Variants in KIR2DL4 observed in about 807,000 individuals in gnomAD.
The protein encoded by KIR2DL4 is killer cell immunoglobulin-like receptor 2DL4.
Under a neutral mutation model 31.0 loss-of-function variants are expected in KIR2DL4, and 41 were observed. That is an observed-to-expected ratio of 1.32 (90% CI 1.03 to 1.72). KIR2DL4 has a LOEUF of 1.72. Among genes scored for constraint, KIR2DL4 ranks in the 40% most tolerant of loss-of-function variants. The pLI is 0.00. For missense variants in KIR2DL4, 438 were observed against 353.7 expected (o/e 1.24, Z -1.91); for synonymous variants, 164 against 133.6 (o/e 1.23, Z -1.57).
chr19:54,811,159 A>T (rs1050855497), intron 5 of KIR2DL4, among the ~76,000 whole-genome samples: 1 of 151,214 alleles, frequency 6.6e-6, no homozygotes, highest in Admixed American at 6.6e-5. Flanking sequence ...ACATTTTGGG[A>T]GGCTGAGGAG....
intron 5 of KIR2DL4, among the ~76,000 whole-genome samples, chr19:54,810,968 G>C (rs618871): frequency 0.19 from 28,262 of 151,142 alleles, 3,151 homozygotes; most frequent in South Asian, 0.32. Flanking sequence ...GGCTTGCCTG[G>C]TTTGATTTTT....
chr19:54,806,827 G>A (rs1236702326), intron 4 of KIR2DL4, among the ~76,000 whole-genome samples: 1 of 149,598 alleles, frequency 6.7e-6, no homozygotes, highest in African/African-American at 2.5e-5. Flanking sequence ...GGCCAACATG[G>A]GGGAACCAAT....
rs1340694497 is a variant in KIR2DL4 at position 54,809,027 on chromosome 19, G to A, written c.706+144G>A. The A allele has an allele frequency of 5.9e-5, 45 of 766,724 alleles. 1 individual carries two copies. The highest frequency in any genetic ancestry group is 3.8e-4 in the South Asian group (26 of 69,328). 47.5% of individuals were successfully genotyped at this position (766,724 alleles called of 1,614,324 possible). On this transcript the variant is annotated intron_variant, in intron 5 of 7. Transcript: ENST00000359085. ...TCTGAACCCCAGACACTCCAACAGC[G>A]AAAGGGATCTGGGCCCAGCACAGGG... is the stretch of plus-strand genomic sequence containing the variant.
intron 6 of KIR2DL4, 78 bp from the exon 6 acceptor site, chr19:54,813,612 T>A (rs1371660533): frequency 1.4e-5 from 21 of 1,448,934 alleles, no homozygotes; most frequent in Non-Finnish European, 1.9e-5. Flanking sequence ...GGCCTCCCCC[T>A]GTGTGTTGGT....
rs770335045 is a variant in KIR2DL4, at chr19:54,806,048, C to T, written c.459C>T (p.Asp153=). ...CCTGCAGCTCCCAGAGCTCCTTTGA[C>T]ATCTACCATCTATCCAGGGAGGGGG... The change falls in exon 4 of 8, where the codon GAC becomes GAT. Residue 153 remains aspartate, a synonymous_variant. Transcript: ENST00000359085. 22 of 1,611,572 alleles carry T rather than the reference C, an allele frequency of 1.4e-5. No individual in the cohort carries two copies. In the African/African-American group the frequency reaches 2.7e-4, roughly 20 times the overall value.
chr19:54,805,209 G>A, intron 3 of KIR2DL4, 132 bp downstream of exon 3: 1 of 845,394 alleles, frequency 1.2e-6, no homozygotes, highest in Admixed American at 2.5e-5. Flanking sequence ...TGAATACAGG[G>A]GAATGGGTGC....
At position 54,805,419 on chromosome 19, in the gene KIR2DL4, G is replaced by A. The variant is rs2060453614; in HGVS notation, c.361+342G>A. 2.6e-5 allele frequency among the ~76,000 whole-genome samples: 4 copies of A among 151,268 alleles called. No homozygotes were observed. In the South Asian group the frequency reaches 8.5e-4, roughly 32 times the overall value. ...GGTCCATATGAGTGGAGAAGGAAGA[G>A]GAGAATGGGGATTAGAGCAGCATCG... On this transcript the variant is annotated intron_variant, in intron 3 of 7. Transcript: ENST00000359085.
intron 4 of KIR2DL4, among the ~76,000 whole-genome samples, chr19:54,808,474 G>A (rs1434377740): frequency 4.0e-5 from 6 of 150,718 alleles, no homozygotes; most frequent in Admixed American, 6.6e-5. Context: ...CCAGATTGTA[G>A]ATTCTTCGAA....
intron 2 of KIR2DL4, 104 bp from the exon 3 acceptor site, chr19:54,804,689 G>A: frequency 8.0e-7 from 1 of 1,256,860 alleles, no homozygotes; most frequent in Non-Finnish European, 1.1e-6. Context: ...ACCCAGGTGT[G>A]GTAGGAGCCT....
chr19:54,814,366 C>G (rs374254587), exon 8 of KIR2DL4: 12,145 of 511,366 alleles, frequency 0.024, 381 homozygotes, highest in African/African-American at 0.046. Flanking sequence ...TCTCTCTTAA[C>G]ACGGCACTTA....
chr19:54,806,198 C>T (rs1049277022), exon 4 of KIR2DL4: 18 of 1,611,262 alleles, frequency 1.1e-5, no homozygotes, highest in African/African-American at 5.4e-5. Context: ...ATGGATCTCC[C>T]TACGAGTGGT....
chr19:54,814,029 C>A, exon 8 of KIR2DL4: 1 of 1,612,262 alleles, frequency 6.2e-7, no homozygotes. Context: ...CACAGTCAGG[C>A]CTTGATGGGA....
chr19:54,811,111 A>G lies in KIR2DL4; in HGVS notation c.707-2014A>G, dbSNP rs112152356. Among the ~76,000 whole-genome samples, 399 of 151,480 alleles carry G rather than the reference A, an allele frequency of 2.6e-3. 17 individuals are homozygous for G. Among genetic ancestry groups the G allele is most frequent in the African/African-American group, 9.0e-3 (371 of 41,054 alleles). On this transcript the variant is annotated intron_variant, in intron 5 of 7. Transcript: ENST00000359085. ...AGGAAGAGACCTATTATAATATAACACACAAGGTTCTGAACGGTGGCTCAC... is the reference window on the plus strand; with the variant it reads ...AGGAAGAGACCTATTATAATATAACGCACAAGGTTCTGAACGGTGGCTCAC...
chr19:54,814,263 C>A, exon 8 of KIR2DL4: 1 of 848,760 alleles, frequency 1.2e-6, no homozygotes, highest in Non-Finnish European at 1.8e-6. Flanking sequence ...CACTTGACCC[C>A]TGCCCACCTC....
exon 5 of KIR2DL4, chr19:54,808,839 C>T (rs749610569): frequency 1.8e-5 from 29 of 1,590,394 alleles, no homozygotes; most frequent in African/African-American, 4.1e-5. Context: ...CTAGGAAACC[C>T]TTCTAGTAGT....
rs759645440 is a variant in KIR2DL4 at position 54,803,929 on chromosome 19, G to A, written c.76+3G>A. The A allele has an allele frequency of 1.9e-6, 3 of 1,609,234 alleles. No individual in the cohort carries two copies. The highest frequency in any genetic ancestry group is 1.1e-5 in the South Asian group (1 of 90,462). ...CCAGAGTGTGTGGGCACACGTGGGT[G>A]AGTCCTTCCCCAAATGATGGGTTGC... is the stretch of plus-strand genomic sequence containing the variant. On this transcript the variant is annotated splice_donor_region_variant and intron_variant, in intron 2 of 7. Transcript: ENST00000359085.
At chr19:54,811,323 G>A (rs2060854288) in intron 5 of KIR2DL4, among the ~76,000 whole-genome samples, 2 of 151,142 alleles carry the variant, frequency 1.3e-5, no homozygotes, top group African/African-American at 2.4e-5. Context: ...GCTTCAACCA[G>A]GGAGGGAGAG....
chr19:54,806,216 G>A lies in KIR2DL4; in HGVS notation c.627G>A (p.Pro209=), dbSNP rs1040375417. The change falls in exon 4 of 8, where the codon CCG becomes CCA. Residue 209 remains proline, a synonymous_variant. Coordinates refer to ENST00000359085, the Ensembl canonical transcript of KIR2DL4. The stretch of plus-strand genomic sequence containing the variant: ...GATCTCCCTACGAGTGGTCAGACCC[G>A]AGTGACCCACTGCCTGTTTCTGTCA... 2.5e-5 allele frequency: 40 copies of A among 1,610,374 alleles called. 1 individual carries two copies. Among genetic ancestry groups the A allele is most frequent in the African/African-American group, 4.1e-5 (3 of 73,942 alleles).
chr19:54,804,880 G>C, exon 3 of KIR2DL4: 2 of 1,612,122 alleles, frequency 1.2e-6, no homozygotes, highest in Non-Finnish European at 1.7e-6. Flanking sequence ...CACTATCGTC[G>C]TGGGTTTAAC....
Sources: gnomAD v4.1 joint callset for allele counts (sites outside exome capture counted in the v4.1 genomes callset) on GRCh38, gnomAD v4.1.1 for gene constraint, MANE v1.5 for transcripts, NCBI Gene and HGNC (gene_info 2026-07-23, HGNC 2026-07-21) for gene names.